The following STRBP variants were observed in gnomAD, a reference collection of about 807,000 sequenced individuals.
STRBP encodes spermatid perinuclear RNA-binding protein.
STRBP carries 13 observed loss-of-function variants against 80.1 expected under a neutral mutation model. The ratio of observed to expected loss-of-function variants is 0.16; its 90% CI spans 0.11 to 0.26. The LOEUF is 0.26. Among genes scored for constraint, STRBP ranks in the 10% least tolerant of loss-of-function variants. STRBP has a pLI of 1.00. For synonymous variants in STRBP, 284 were observed against 291.2 expected, an observed-to-expected ratio of 0.98 and a Z score of 0.25; for missense variants, 485 against 815.2, an observed-to-expected ratio of 0.59 and a Z score of 4.93.
intron 1 of STRBP, among the ~76,000 whole-genome samples, chr9:123,260,753 G>C (rs2041144135): frequency 6.6e-6 from 1 of 152,194 alleles, no homozygotes; most frequent in African/African-American, 2.4e-5. Flanking sequence ...ATGCAATTGT[G>C]AGTGAGGGCT....
intron 4 of STRBP, among the ~76,000 whole-genome samples, chr9:123,176,938 A>G (rs540024715): frequency 3.9e-5 from 6 of 152,330 alleles, no homozygotes; most frequent in Admixed American, 6.5e-5. Context: ...AAAAAGGTAA[A>G]GCATTAAGTT....
At chr9:123,218,364 T>A (rs1439426259) in intron 2 of STRBP, among the ~76,000 whole-genome samples, 3 of 140,042 alleles carry the variant, frequency 2.1e-5, no homozygotes, top group Admixed American at 2.1e-4. Flanking sequence ...ACTTTTTTTT[T>A]TTTTTTTTTT....
chr9:123,238,822 T>G (rs369680043), intron 1 of STRBP, among the ~76,000 whole-genome samples: 1 of 152,068 alleles, frequency 6.6e-6, no homozygotes, highest in Non-Finnish European at 1.5e-5. Context: ...GAATTAAACT[T>G]AAGTATATAA....
intron 17 of STRBP, among the ~76,000 whole-genome samples, chr9:123,131,664 A>T (rs2036145178): frequency 6.6e-6 from 1 of 152,076 alleles, no homozygotes; most frequent in East Asian, 1.9e-4. Context: ...CTTCTTTTTC[A>T]TCATACTCAT....
At chr9:123,263,563 C>T (rs911692228) in intron 1 of STRBP, among the ~76,000 whole-genome samples, 3 of 145,194 alleles carry the variant, frequency 2.1e-5, no homozygotes, top group Admixed American at 6.8e-5. Flanking sequence ...TTGCTATTTA[C>T]ATTTTTGCTG....
chr9:123,190,058 T>C (rs1588072525), intron 2 of STRBP, among the ~76,000 whole-genome samples: 1 of 152,026 alleles, frequency 6.6e-6, no homozygotes, highest in Admixed American at 6.6e-5. Context: ...GATGGGTGGA[T>C]CACTTGAGGT....
intron 1 of STRBP, among the ~76,000 whole-genome samples, chr9:123,253,176 AT>A (rs1685690366): frequency 6.6e-6 from 1 of 152,256 alleles, no homozygotes; most frequent in Admixed American, 6.5e-5. Context: ...ATAAAATCAT[AT>A]AAAGACTCAT....
chr9:123,178,527 A>C (rs565838428), intron 4 of STRBP, among the ~76,000 whole-genome samples: 78 of 152,212 alleles, frequency 5.1e-4, no homozygotes, highest in Non-Finnish European at 7.3e-4. Context: ...TATGATATGC[A>C]AGACACTGCT....
Position 123,254,386 on chromosome 9 carries a change from G to A in STRBP, c.-302+14050C>T, listed in dbSNP as rs531510022. 6.3e-4 allele frequency among the ~76,000 whole-genome samples: 96 copies of A among 151,382 alleles called. 2 individuals are homozygous for A. The highest frequency in any genetic ancestry group is 2.1e-3 in the South Asian group (10 of 4,784). On this transcript the variant is annotated intron_variant, in intron 1 of 18. Transcript: ENST00000348403. The stretch of plus-strand genomic sequence containing the variant: ...TGAGGCAGAAGAATGGCATGAACCC[G>A]GGAGGCGGAGCCTGCAGTGAACCCA...
At position 123,110,391 on chromosome 9, in the gene STRBP, G is replaced by A. The variant is rs2035545439; in HGVS notation, c.*85-638C>T. On this transcript the variant is annotated intron_variant and NMD_transcript_variant, in intron 3 of 3. Transcript: ENST00000471564. The surrounding 1 kb of genome is among the most constrained non-coding windows in gnomAD (Gnocchi z 4.1). ...CCCATCAGCCTCACTGTTCCTGGAA[G>A]TACGATTGCCCTAATTTATGGTTAC... 1 of 168,800 alleles carries A rather than the reference G, an allele frequency of 5.9e-6. No homozygotes were observed. Among genetic ancestry groups the A allele is most frequent in the Non-Finnish European group, 1.5e-5 (1 of 68,168 alleles). 10.5% of individuals were successfully genotyped at this position (168,800 alleles called of 1,614,324 possible). A position where few individuals can be genotyped will look rare whatever the true frequency, so the allele number is the denominator to read the frequency against.
At chr9:123,260,728 C>CA (rs1384526035) in intron 1 of STRBP, among the ~76,000 whole-genome samples, 2 of 149,698 alleles carry the variant, frequency 1.3e-5, no homozygotes, top group South Asian at 2.1e-4. Context: ...AATTCCCTAC[C>CA]AAAAAAAAAG....
chr9:123,227,567 C>CTTTTTTTTTTTTTTT (rs113678606), intron 2 of STRBP, among the ~76,000 whole-genome samples: 41 of 113,424 alleles, frequency 3.6e-4, no homozygotes, highest in South Asian at 5.9e-4. Context: ...TTTTTTTTTT[C>CTTTTTTTTTTTTTTT]TTTTTTTTTT....
At chr9:123,158,978 G>A in intron 9 of STRBP, 118 bp downstream of exon 9, 1 of 723,562 alleles carries the variant, frequency 1.4e-6, no homozygotes, top group Non-Finnish European at 2.3e-6. Flanking sequence ...AAAATTCCAA[G>A]CAAAAGAACT....
At chr9:123,159,800 G>C (rs1168220206) in intron 8 of STRBP, among the ~76,000 whole-genome samples, 1 of 152,106 alleles carries the variant, frequency 6.6e-6, no homozygotes, top group Non-Finnish European at 1.5e-5. Flanking sequence ...AAGTTGTCTT[G>C]ATTGGAGCAG....
intron 5 of STRBP, among the ~76,000 whole-genome samples, chr9:123,172,729 G>A (rs1260812717): frequency 6.6e-6 from 1 of 151,976 alleles, no homozygotes; most frequent in Admixed American, 6.6e-5. Context: ...GGGTCAGCTA[G>A]TGAATATGAA....
chr9:123,139,368 A>G (rs1379671120), intron 14 of STRBP, among the ~76,000 whole-genome samples, 161 bp downstream of exon 14: 1 of 152,232 alleles, frequency 6.6e-6, no homozygotes, highest in East Asian at 1.9e-4. Context: ...TTCATGAAAA[A>G]AACTGGATGG....
At chr9:123,189,338 C>T (rs951075723) in intron 2 of STRBP, among the ~76,000 whole-genome samples, 1 of 149,344 alleles carries the variant, frequency 6.7e-6, no homozygotes, top group African/African-American at 2.5e-5. Context: ...GGAGGGATAA[C>T]ATTAGGAGAT....
downstream of STRBP, among the ~76,000 whole-genome samples, chr9:123,120,557 T>C (rs1196824100): frequency 6.6e-6 from 1 of 150,928 alleles, no homozygotes; most frequent in African/African-American, 2.4e-5. Context: ...TCTAACTCAC[T>C]GCTGAAGATT....
chr9:123,128,190 AT>A (rs779749237), intron 18 of STRBP, 23 bp downstream of exon 18: 1 of 1,613,952 alleles, frequency 6.2e-7, no homozygotes, highest in Non-Finnish European at 8.5e-7. Flanking sequence ...CTAAGAGGAG[AT>A]ATCAGTAAGA....
Sources: gnomAD v4.1 joint callset for allele counts (sites outside exome capture counted in the v4.1 genomes callset) on GRCh38, gnomAD v4.1.1 for gene constraint, Gnocchi (gnomAD v3.1) non-coding constraint, MANE v1.5 for transcripts, NCBI Gene and HGNC (gene_info 2026-07-23, HGNC 2026-07-21) for gene names.